Variants in RAD50 observed in about 807,000 individuals in gnomAD.
RAD50 encodes DNA repair protein RAD50.
In RAD50, 132 loss-of-function variants were observed where a neutral mutation model predicts 168.8. The ratio of observed to expected loss-of-function variants is 0.78; its 90% CI spans 0.68 to 0.90. RAD50 has a LOEUF of 0.90. RAD50 is among the 40% of genes least tolerant of loss of function. The pLI, the probability that RAD50 is intolerant of heterozygous loss-of-function variation, is 0.00. For missense variants in RAD50, 1,347 were observed against 1,534.4 expected, an observed-to-expected ratio of 0.88 and a Z score of 2.04; for synonymous variants, 525 against 497.4, an observed-to-expected ratio of 1.06 and a Z score of -0.74.
At chr5:132,575,996 GT>G in intron 3 of RAD50, 68 bp downstream of exon 3, 5 of 1,421,998 alleles carry the variant, frequency 3.5e-6, no homozygotes, top group Non-Finnish European at 4.8e-6. Flanking sequence ...GTTGATGGTT[GT>G]TTTCTACTAT....
At chr5:132,617,733 C>G (rs139339563) in intron 20 of RAD50, among the ~76,000 whole-genome samples, 67 of 152,252 alleles carry the variant, frequency 4.4e-4, no homozygotes, top group African/African-American at 1.5e-3. Context: ...ATTCTCAGTT[C>G]ACAATCAGAA....
intron 2 of RAD50, among the ~76,000 whole-genome samples, chr5:132,565,723 C>G (rs150475081): frequency 6.6e-6 from 1 of 152,152 alleles, no homozygotes; most frequent in African/African-American, 2.4e-5. Context: ...TCCCCCTAGC[C>G]GACTTAACCC....
At chr5:132,629,635 G>A (rs1361919962) in intron 21 of RAD50, among the ~76,000 whole-genome samples, 3 of 152,038 alleles carry the variant, frequency 2.0e-5, no homozygotes, top group South Asian at 2.1e-4. Context: ...AGATTTATAC[G>A]GTGAGCCCTA....
rs1176300511 is a variant in RAD50, at chr5:132,595,828, C to T, written c.2207+18C>T. The T allele has an allele frequency of 2.6e-6, 4 of 1,563,210 alleles. No individual in the cohort carries two copies. The highest frequency in any genetic ancestry group is 2.2e-5 in the East Asian group (1 of 44,668). On this transcript the variant is annotated intron_variant, in intron 13 of 24. Transcript: ENST00000378823. ...CCCATGAGGTAAGAATGGGATTTAC[C>T]TTCACTGTACATGTAGCAGCACATT...
Position 132,580,205 on chromosome 5 carries a change from A to G in RAD50, c.756+139A>G. 8.7e-6 allele frequency: 6 copies of G among 687,134 alleles called. No individual in the cohort carries two copies. The South Asian group carries it at 1.1e-4, about 13-fold the overall frequency. The allele number at this position is 687,134 out of a possible 1,614,324, so 42.6% of individuals were successfully genotyped here. A position where few individuals can be genotyped will look rare whatever the true frequency, so the allele number is the denominator to read the frequency against. On this transcript the variant is annotated intron_variant, in intron 5 of 24. Transcript: ENST00000378823. The stretch of plus-strand genomic sequence containing the variant: ...ATTACTTCAATTTTTTTATGGTGAG[A>G]ACACTTAAAATCTACTCTCTTAGCA...
At chr5:132,559,444 G>A in intron 2 of RAD50, 77 bp downstream of exon 2, 5 of 1,439,818 alleles carry the variant, frequency 3.5e-6, no homozygotes, top group Non-Finnish European at 4.7e-6. Context: ...CTTGGCACTG[G>A]AAAACTATAA....
chr5:132,579,279 G>C (rs756550053), intron 3 of RAD50, 38 bp from the exon 4 acceptor site: 2 of 1,585,112 alleles, frequency 1.3e-6, no homozygotes, highest in Admixed American at 3.3e-5. Context: ...TACACTGAAG[G>C]TTATTTTACA....
At chr5:132,634,456 T>C (rs1008733263) in intron 21 of RAD50, among the ~76,000 whole-genome samples, 1 of 152,192 alleles carries the variant, frequency 6.6e-6, no homozygotes, top group Non-Finnish European at 1.5e-5. Flanking sequence ...CAGTTGATTT[T>C]CTTGGATTTT....
At chr5:132,610,205 GATTTC>G (rs1188286767) in intron 19 of RAD50, among the ~76,000 whole-genome samples, 2 of 151,950 alleles carry the variant, frequency 1.3e-5, no homozygotes, top group African/African-American at 4.8e-5. Context: ...TACTCAGATT[GATTTC>G]ATTTCCTTAT....
chr5:132,622,722 T>A (rs146428208), intron 21 of RAD50, among the ~76,000 whole-genome samples: 15 of 152,354 alleles, frequency 9.8e-5, no homozygotes, highest in African/African-American at 3.6e-4. Flanking sequence ...TCTGCTGTTT[T>A]GTATGTTGAT....
chr5:132,620,006 G>T (rs903070580), intron 21 of RAD50, among the ~76,000 whole-genome samples: 2 of 150,472 alleles, frequency 1.3e-5, no homozygotes, highest in African/African-American at 4.9e-5. Flanking sequence ...CCAGGTTCAC[G>T]CCATTCTCCT....
chr5:132,560,520 T>C (rs1303707429), intron 2 of RAD50, among the ~76,000 whole-genome samples: 4 of 152,376 alleles, frequency 2.6e-5, no homozygotes, highest in African/African-American at 9.6e-5. Context: ...TAATTGATGA[T>C]CTTGCTTTGT....
At chr5:132,602,077 A>G (rs1212968059) in intron 13 of RAD50, among the ~76,000 whole-genome samples, 4 of 152,168 alleles carry the variant, frequency 2.6e-5, no homozygotes, top group South Asian at 2.1e-4. Flanking sequence ...GTGTATACCT[A>G]TGTAACAAAC....
At position 132,644,519 on chromosome 5, in the gene RAD50, G is replaced by GGTT. The variant is rs1167221150; in HGVS notation, c.*2159_*2161dup. On this transcript the variant is annotated 3_prime_UTR_variant, in exon 25 of 25. Coordinates refer to ENST00000378823, the MANE Select transcript of RAD50 (RefSeq NM_005732.4). ...GGGTAAAATGGTACATATTTTGTAG[G>GGTT]GTTGTTATGAAGATTGAATGACATT... 5.5e-6 allele frequency: 1 copy of GGTT among 180,808 alleles called. No homozygotes were observed. Among genetic ancestry groups the GGTT allele is most frequent in the Admixed American group, 6.3e-5 (1 of 15,912 alleles). The allele number at this position is 180,808 out of a possible 1,614,324, so 11.2% of individuals were successfully genotyped here.
intron 5 of RAD50, among the ~76,000 whole-genome samples, chr5:132,583,517 A>G (rs925518408): frequency 6.4e-4 from 98 of 152,170 alleles, no homozygotes; most frequent in African/African-American, 2.3e-3. Flanking sequence ...AGTTCTCTCA[A>G]AGTCCTTGCA....
chr5:132,557,141 C>T lies in RAD50; in HGVS notation c.-184C>T, dbSNP rs1054360586. On this transcript the variant is annotated 5_prime_UTR_variant, in exon 1 of 25. Transcript: ENST00000378823. ...CTGGTGTGGGAGGAAAGGCTCCATC[C>T]CCCGCCCCCTCTCTCCCGCTGTTGG... The T allele has an allele frequency of 7.2e-6, 6 of 834,702 alleles. No homozygotes were observed. Among genetic ancestry groups the T allele is most frequent in the African/African-American group, 5.1e-5 (3 of 59,374 alleles). The allele number at this position is 834,702 out of a possible 1,614,324, so 51.7% of individuals were successfully genotyped here.
At chr5:132,568,586 T>C (rs1750249847) in intron 2 of RAD50, among the ~76,000 whole-genome samples, 2 of 151,922 alleles carry the variant, frequency 1.3e-5, no homozygotes, top group South Asian at 4.1e-4. Context: ...TAAAAACAGG[T>C]GGAGGAAAAA....
At chr5:132,561,794 A>G (rs1047963649) in intron 2 of RAD50, among the ~76,000 whole-genome samples, 1 of 142,266 alleles carries the variant, frequency 7.0e-6, no homozygotes, top group Non-Finnish European at 1.5e-5. Context: ...TCAGTACCCC[A>G]CCCCCGCCAG....
At position 132,616,024 on chromosome 5, in the gene RAD50, G is replaced by T; in HGVS notation, c.3058G>T (p.Asp1020Tyr). 1 of 1,591,156 alleles carries T rather than the reference G, an allele frequency of 6.3e-7. No individual in the cohort carries two copies. The highest frequency in any genetic ancestry group is 1.1e-5 in the South Asian group (1 of 90,470). ...TTAGATACAAGAAAGGTGGCTACAA[G>T]ATAACCTTACTTTAAGAAAAAGAAA... ...TQKIQERWLQ[D>Y]NLTLRKRNEE... The change falls in exon 20 of 25, where the codon GAT becomes TAT. Residue 1020 changes from aspartate to tyrosine, a missense_variant. Asp to Tyr is a radical substitution (Grantham distance 160, BLOSUM62 -3). Coordinates refer to ENST00000378823, the MANE Select transcript of RAD50 (RefSeq NM_005732.4).
Sources: allele counts gnomAD v4.1 joint callset (sites outside exome capture counted in the v4.1 genomes callset), GRCh38; gene constraint gnomAD v4.1.1; transcripts MANE v1.5; gene names NCBI Gene and HGNC (gene_info 2026-07-23, HGNC 2026-07-21).